Variants in BRD7 observed in about 807,000 individuals in gnomAD.
The protein encoded by BRD7 is bromodomain-containing protein 7.
A neutral mutation model predicts 82.1 loss-of-function variants in BRD7; 15 were observed. The ratio of observed to expected loss-of-function variants is 0.18; its 90% CI spans 0.12 to 0.28. The LOEUF (loss-of-function observed/expected upper bound fraction) is 0.28, where lower values mean the gene tolerates loss of function less well. Among genes scored for constraint, BRD7 ranks in the 10% least tolerant of loss-of-function variants. BRD7 has a pLI of 1.00. For synonymous variants in BRD7, 232 were observed against 266.9 expected, an observed-to-expected ratio of 0.87 and a Z score of 1.27; for missense variants, 638 against 779.9, an observed-to-expected ratio of 0.82 and a Z score of 2.17.
At chr16:50,335,056 T>C (rs983653864) in intron 6 of BRD7, among the ~76,000 whole-genome samples, 161 bp from the exon 7 acceptor site, 4 of 152,220 alleles carry the variant, frequency 2.6e-5, no homozygotes, top group Non-Finnish European at 4.4e-5. Flanking sequence ...TTGGAAACCA[T>C]GATAATGCCT....
At chr16:50,342,417 A>G (rs981799852) in intron 5 of BRD7, among the ~76,000 whole-genome samples, 7 of 151,224 alleles carry the variant, frequency 4.6e-5, no homozygotes, top group African/African-American at 1.7e-4. Flanking sequence ...CTGCTTATCA[A>G]TATGTGGATG....
At chr16:50,342,774 A>G (rs1280239313) in intron 5 of BRD7, among the ~76,000 whole-genome samples, 1 of 152,152 alleles carries the variant, frequency 6.6e-6, no homozygotes, top group Non-Finnish European at 1.5e-5. Context: ...AGGGTAACCA[A>G]TTAGGGTCTA....
chr16:50,344,346 A>T (rs533172543), intron 5 of BRD7, among the ~76,000 whole-genome samples: 2 of 152,346 alleles, frequency 1.3e-5, no homozygotes, highest in African/African-American at 4.8e-5. Context: ...TACAAATCAG[A>T]GCACCTCTTC....
intron 5 of BRD7, among the ~76,000 whole-genome samples, chr16:50,345,482 TAA>T (rs2038243164): frequency 6.6e-6 from 1 of 151,952 alleles, no homozygotes; most frequent in South Asian, 2.1e-4. Flanking sequence ...GCAAATTGGA[TAA>T]AGAGTCAAGA....
At chr16:50,340,857 G>A (rs1009223665) in intron 5 of BRD7, among the ~76,000 whole-genome samples, 2 of 151,980 alleles carry the variant, frequency 1.3e-5, no homozygotes, top group African/African-American at 4.8e-5. Context: ...ATAAATGTGC[G>A]ATTCATTATG....
chr16:50,354,013 A>G (rs912847181), intron 4 of BRD7, among the ~76,000 whole-genome samples: 3 of 152,260 alleles, frequency 2.0e-5, no homozygotes, highest in African/African-American at 7.2e-5. Context: ...AAAGAAGGCC[A>G]TAATTCCTAT....
chr16:50,343,827 C>T (rs1438304406), intron 5 of BRD7, among the ~76,000 whole-genome samples: 1 of 152,152 alleles, frequency 6.6e-6, no homozygotes, highest in Non-Finnish European at 1.5e-5. Context: ...GTGGAGCCTA[C>T]CTCTGGGGGC....
At chr16:50,359,492 A>G (rs1439307305) in intron 2 of BRD7, among the ~76,000 whole-genome samples, 1 of 152,244 alleles carries the variant, frequency 6.6e-6, no homozygotes, top group East Asian at 1.9e-4. Flanking sequence ...CTGTGTGGCT[A>G]TATAGTGAAA....
intron 2 of BRD7, among the ~76,000 whole-genome samples, chr16:50,358,843 A>G (rs937735142): frequency 1.3e-5 from 2 of 152,250 alleles, no homozygotes; most frequent in African/African-American, 4.8e-5. Flanking sequence ...TAAACTGAAT[A>G]GAGATATCAT....
intron 2 of BRD7, among the ~76,000 whole-genome samples, chr16:50,360,474 C>T (rs1227485602): frequency 1.3e-5 from 2 of 152,176 alleles, no homozygotes; most frequent in Non-Finnish European, 2.9e-5. Context: ...ATTTTTGGCC[C>T]TAGGCTGAAA....
chr16:50,323,325 T>C (rs1419958559), intron 12 of BRD7, among the ~76,000 whole-genome samples: 1 of 152,218 alleles, frequency 6.6e-6, no homozygotes, highest in Non-Finnish European at 1.5e-5. Context: ...CCCACTGACT[T>C]CTGAGTTGTA....
chr16:50,325,928 T>A, intron 10 of BRD7, 45 bp from the exon 11 acceptor site: 2 of 1,523,042 alleles, frequency 1.3e-6, no homozygotes, highest in South Asian at 1.3e-5. Context: ...TTAACTTGCA[T>A]GTCAATCTAT....
rs975360135 is a variant in BRD7 at position 50,316,441 on chromosome 16, A to C, written c.*2770T>G. The stretch of plus-strand genomic sequence containing the variant: ...TTGCGTTCTCCCCTGCCGTCCTTCA[A>C]CTGTATCTTACTTTTCTTACCAGAA... On this transcript the variant is annotated 3_prime_UTR_variant, in exon 17 of 17. Coordinates refer to ENST00000394688, the MANE Select transcript of BRD7 (RefSeq NM_013263.5). The C allele has an allele frequency of 1.3e-4, 20 of 152,342 alleles. No homozygotes were observed. The highest frequency in any genetic ancestry group is 4.8e-4 in the African/African-American group (20 of 41,442). The allele number at this position is 152,342 out of a possible 1,614,324, so 9.4% of individuals were successfully genotyped here. A position where few individuals can be genotyped will look rare whatever the true frequency, so the allele number is the denominator to read the frequency against.
At chr16:50,357,415 C>T (rs888089465) in intron 2 of BRD7, among the ~76,000 whole-genome samples, 4 of 152,144 alleles carry the variant, frequency 2.6e-5, no homozygotes, top group African/African-American at 4.8e-5. Context: ...GTATTTTTAC[C>T]ACCTCACAAC....
intron 9 of BRD7, among the ~76,000 whole-genome samples, chr16:50,328,214 T>C (rs887590375): frequency 2.0e-5 from 3 of 152,176 alleles, no homozygotes; most frequent in East Asian, 1.9e-4. Context: ...CTACTGACTA[T>C]AGTGAAAGAT....
chr16:50,317,484 G>GTACTC lies in BRD7; in HGVS notation c.*1722_*1726dup, dbSNP rs1425641101. 2 of 152,304 alleles carry GTACTC rather than the reference G, an allele frequency of 1.3e-5. No homozygotes were observed. The highest frequency in any genetic ancestry group is 3.7e-4 in the East Asian group (2 of 5,340). The allele number at this position is 152,304 out of a possible 1,614,324, so 9.4% of individuals were successfully genotyped here. ...GGGCCTCTCTGAGGTCAGCATATTT[G>GTACTC]TACTCTTGGAATATTTGTTTTTTTC... is the stretch of plus-strand genomic sequence containing the variant. On this transcript the variant is annotated 3_prime_UTR_variant, in exon 17 of 17. Transcript: ENST00000394688.
rs749736819 is a variant in BRD7 at position 50,334,779 on chromosome 16, C to T, written c.819G>A (p.Gln273=). 5.0e-6 allele frequency: 8 copies of T among 1,614,050 alleles called. No homozygotes were observed. The highest frequency in any genetic ancestry group is 5.1e-6 in the Non-Finnish European group (6 of 1,179,940). The change falls in exon 7 of 17, where the codon CAG becomes CAA. Residue 273 remains glutamine (Q), a synonymous_variant. Coordinates refer to ENST00000394688, the MANE Select transcript of BRD7 (RefSeq NM_013263.5). ...CATCTCCAGAGTCCTCTCTCTCTCT[C>T]TGCCAGCAGCCTCCGTCCTCCCCAC... The part of the protein sequence containing the change: ...SQSGEDGGCW[Q]REREDSGDAE...
At chr16:50,328,342 A>C (rs2037423373) in intron 9 of BRD7, among the ~76,000 whole-genome samples, 2 of 152,252 alleles carry the variant, frequency 1.3e-5, no homozygotes, top group African/African-American at 2.4e-5. Context: ...TGTGTATGAG[A>C]TACCTCTAAA....
chr16:50,361,260 T>C (rs2038923846), intron 2 of BRD7, among the ~76,000 whole-genome samples: 2 of 152,266 alleles, frequency 1.3e-5, no homozygotes, highest in Non-Finnish European at 2.9e-5. Flanking sequence ...AGGTACTTAC[T>C]GGAATTTACT....
Sources: allele counts gnomAD v4.1 joint callset (sites outside exome capture counted in the v4.1 genomes callset), GRCh38; gene constraint gnomAD v4.1.1; transcripts MANE v1.5; gene names NCBI Gene and HGNC (gene_info 2026-07-23, HGNC 2026-07-21).